Variants in KATNIP observed in about 807,000 individuals in gnomAD.
The protein encoded by KATNIP is katanin-interacting protein.
KATNIP carries 126 observed loss-of-function variants against 174.0 expected under a neutral mutation model. The observed-to-expected ratio is 0.72, with a 90% confidence interval of 0.63 to 0.84. The LOEUF (loss-of-function observed/expected upper bound fraction) is 0.84. KATNIP is among the 40% of genes least tolerant of loss of function. The pLI is 0.00. For synonymous variants in KATNIP, 810 were observed against 835.7 expected, an observed-to-expected ratio of 0.97 and a Z score of 0.53; for missense variants, 1,958 against 2,109.7, an observed-to-expected ratio of 0.93 and a Z score of 1.41.
chr16:27,706,106 G>A (rs1455948391), intron 12 of KATNIP, among the ~76,000 whole-genome samples: 1 of 152,080 alleles, frequency 6.6e-6, no homozygotes, highest in African/African-American at 2.4e-5. Context: ...TGGTCCAGCA[G>A]CTCGCACTGT....
At chr16:27,704,906 CTTTT>C (rs560766968) in intron 12 of KATNIP, among the ~76,000 whole-genome samples, 1 of 127,552 alleles carries the variant, frequency 7.8e-6, no homozygotes, top group Non-Finnish European at 1.7e-5. Flanking sequence ...TCTTTTTTTT[CTTTT>C]TTTTTTTTTT....
intron 19 of KATNIP, 123 bp downstream of exon 19, chr16:27,761,713 T>C: frequency 1.2e-6 from 1 of 860,212 alleles, no homozygotes; most frequent in South Asian, 1.5e-5. Flanking sequence ...GGCCACCCTG[T>C]GAGGTAATGT....
intron 5 of KATNIP, among the ~76,000 whole-genome samples, chr16:27,647,490 C>CA (rs1473409924): frequency 2.0e-5 from 3 of 147,936 alleles, no homozygotes; most frequent in Non-Finnish European, 4.4e-5. Context: ...AACAGGCACA[C>CA]ACCACCACAC....
At chr16:27,556,117 ACT>A (rs2089616504) in intron 1 of KATNIP, among the ~76,000 whole-genome samples, 1 of 149,870 alleles carries the variant, frequency 6.7e-6, no homozygotes, top group South Asian at 2.1e-4. Context: ...AGTGAGTGAG[ACT>A]CTGTCTCAAA....
chr16:27,604,268 T>G (rs1249178640), intron 2 of KATNIP, among the ~76,000 whole-genome samples: 1 of 152,102 alleles, frequency 6.6e-6, no homozygotes, highest in African/African-American at 2.4e-5. Context: ...CTAGCTACTT[T>G]TAAAAATTTT....
At chr16:27,602,845 CCCA>C (rs1281642903) in intron 2 of KATNIP, among the ~76,000 whole-genome samples, 2 of 152,086 alleles carry the variant, frequency 1.3e-5, no homozygotes, top group African/African-American at 4.8e-5. Context: ...ATTACAGGCG[CCCA>C]CCACCACACC....
intron 6 of KATNIP, chr16:27,660,085 T>C: frequency 2.3e-6 from 2 of 868,366 alleles, no homozygotes; most frequent in Non-Finnish European, 2.8e-6. Context: ...CCTGGGAAGG[T>C]AGCTTGGGTT....
intron 1 of KATNIP, among the ~76,000 whole-genome samples, chr16:27,552,912 T>C (rs1240965330): frequency 1.3e-5 from 2 of 151,172 alleles, no homozygotes; most frequent in Non-Finnish European, 2.9e-5. Context: ...CAGGCTGGTC[T>C]CAAACTGCCA....
intron 2 of KATNIP, among the ~76,000 whole-genome samples, chr16:27,607,153 T>C (rs1255859799): frequency 1.3e-5 from 2 of 152,072 alleles, no homozygotes; most frequent in Admixed American, 6.6e-5. Flanking sequence ...CCTTGCAGTG[T>C]TGGGAGTGTT....
intron 2 of KATNIP, among the ~76,000 whole-genome samples, chr16:27,588,940 G>A (rs1409977650): frequency 1.4e-5 from 2 of 138,858 alleles, no homozygotes; most frequent in Admixed American, 7.8e-5. Context: ...GGAGTGCAGT[G>A]CAGTGGTGTG....
At chr16:27,700,053 G>A (rs1335334319) in intron 10 of KATNIP, among the ~76,000 whole-genome samples, 1 of 151,992 alleles carries the variant, frequency 6.6e-6, no homozygotes, top group Non-Finnish European at 1.5e-5. Flanking sequence ...TGGGATTACA[G>A]GCGCACAGCC....
intron 6 of KATNIP, among the ~76,000 whole-genome samples, chr16:27,651,733 T>G (rs1300254348): frequency 3.3e-5 from 5 of 152,224 alleles, no homozygotes; most frequent in Non-Finnish European, 7.3e-5. Flanking sequence ...TATTTATTTA[T>G]TTTGAGACGT....
At chr16:27,721,387 G>A (rs1409245074) in intron 13 of KATNIP, among the ~76,000 whole-genome samples, 171 bp from the exon 14 acceptor site, 1 of 152,132 alleles carries the variant, frequency 6.6e-6, no homozygotes, top group Admixed American at 6.5e-5. Flanking sequence ...CCGTCCAGAC[G>A]GGGTGATCTG....
intron 8 of KATNIP, among the ~76,000 whole-genome samples, chr16:27,690,031 A>AGT (rs1469476409): frequency 1.2e-4 from 18 of 152,148 alleles, no homozygotes; most frequent in Admixed American, 2.6e-4. Context: ...GGCCGGCTGC[A>AGT]GTGCCTCATG....
chr16:27,571,055 CAG>C (rs764588483), intron 1 of KATNIP, among the ~76,000 whole-genome samples: 2 of 152,242 alleles, frequency 1.3e-5, no homozygotes, highest in East Asian at 1.9e-4. Flanking sequence ...TGTTTTGAGA[CAG>C]AGTCTCACTC....
chr16:27,675,825 A>C (rs1432264393), intron 6 of KATNIP, among the ~76,000 whole-genome samples: 1 of 152,098 alleles, frequency 6.6e-6, no homozygotes, highest in Non-Finnish European at 1.5e-5. Flanking sequence ...TCCTCTGCAA[A>C]TCTTTCCTGG....
At chr16:27,629,945 C>G (rs2076438347) in intron 4 of KATNIP, among the ~76,000 whole-genome samples, 1 of 152,114 alleles carries the variant, frequency 6.6e-6, no homozygotes, top group South Asian at 2.1e-4. Context: ...CCCGGGAAGT[C>G]AAGGTTGCAA....
chr16:27,578,918 G>T (rs1428121710), intron 2 of KATNIP, among the ~76,000 whole-genome samples: 2 of 152,174 alleles, frequency 1.3e-5, no homozygotes, highest in Non-Finnish European at 2.9e-5. Flanking sequence ...TTGATGGTTG[G>T]CTTGAAGTCA....
At chr16:27,673,207 A>G (rs921202175) in intron 6 of KATNIP, among the ~76,000 whole-genome samples, 1 of 152,200 alleles carries the variant, frequency 6.6e-6, no homozygotes, top group Admixed American at 6.5e-5. Flanking sequence ...TACTCTACCT[A>G]TCTGTCTTAC....
Sources: allele counts gnomAD v4.1 joint callset (sites outside exome capture counted in the v4.1 genomes callset), GRCh38; gene constraint gnomAD v4.1.1; transcripts MANE v1.5; gene names NCBI Gene and HGNC (gene_info 2026-07-23, HGNC 2026-07-21).